RABGAP1L: variants seen among roughly 807,000 people sequenced by gnomAD.
RABGAP1L encodes the protein RAB GTPase activating protein 1 like.
Under a neutral mutation model 137.7 loss-of-function variants are expected in RABGAP1L, and 63 were observed. The observed-to-expected ratio is 0.46, with a 90% CI of 0.37 to 0.56. The LOEUF (loss-of-function observed/expected upper bound fraction) is 0.56, where lower values mean the gene tolerates loss of function less well. Among genes scored for constraint, RABGAP1L ranks in the 20% least tolerant of loss-of-function variants. The probability of loss-of-function intolerance (pLI) is 0.00; values close to 1 mark genes in which losing one functional copy is unlikely to be tolerated. For synonymous variants in RABGAP1L, 431 were observed against 433.7 expected, an observed-to-expected ratio of 0.99 and a Z score of 0.08; for missense variants, 1,095 against 1,244.0, an observed-to-expected ratio of 0.88 and a Z score of 1.80.
chr1:174,361,144 T>C (rs1684108574), intron 11 of RABGAP1L, among the ~76,000 whole-genome samples: 1 of 151,964 alleles, frequency 6.6e-6, no homozygotes, highest in South Asian at 2.1e-4. Context: ...CTGTGTCTTT[T>C]TTCATGCAAG....
At chr1:174,615,804 C>A (rs149546963) in intron 13 of RABGAP1L, among the ~76,000 whole-genome samples, 5 of 152,232 alleles carry the variant, frequency 3.3e-5, no homozygotes, top group African/African-American at 4.8e-5. Flanking sequence ...CCCCCAGCCT[C>A]GCTGCCGCCT....
At chr1:174,504,372 T>TAA (rs926595785) in intron 13 of RABGAP1L, among the ~76,000 whole-genome samples, 9 of 151,656 alleles carry the variant, frequency 5.9e-5, no homozygotes, top group African/African-American at 1.7e-4. Context: ...CTTATTTGTT[T>TAA]AAATCCTGTT....
intron 13 of RABGAP1L, among the ~76,000 whole-genome samples, chr1:174,595,626 A>G (rs951124691): frequency 6.7e-6 from 1 of 150,098 alleles, no homozygotes; most frequent in African/African-American, 2.5e-5. Context: ...GTGAGGTGTC[A>G]GTGTGCCCCT....
chr1:174,476,975 G>A (rs1459217001), intron 13 of RABGAP1L, among the ~76,000 whole-genome samples: 1 of 152,112 alleles, frequency 6.6e-6, no homozygotes, highest in Non-Finnish European at 1.5e-5. Flanking sequence ...TTTAATTTGG[G>A]TTATTTGTGA....
At chr1:174,426,478 G>A (rs1015039869) in intron 13 of RABGAP1L, among the ~76,000 whole-genome samples, 6 of 151,150 alleles carry the variant, frequency 4.0e-5, no homozygotes, top group South Asian at 2.1e-4. Flanking sequence ...CTTAATATAT[G>A]TCTTTGCCCT....
chr1:174,566,674 C>T (rs967017864), intron 13 of RABGAP1L, among the ~76,000 whole-genome samples: 6 of 152,076 alleles, frequency 3.9e-5, no homozygotes, highest in Admixed American at 1.3e-4. Flanking sequence ...TGAGTCTTTG[C>T]GAGGCCTTGA....
At chr1:174,821,813 T>C (rs963498352) in intron 19 of RABGAP1L, among the ~76,000 whole-genome samples, 1 of 152,234 alleles carries the variant, frequency 6.6e-6, no homozygotes, top group Non-Finnish European at 1.5e-5. Context: ...TGTACACCAT[T>C]GAAAAGATTC....
At position 174,764,002 on chromosome 1, in the gene RABGAP1L, G is replaced by C. The variant is rs115035596; in HGVS notation, c.2211+11648G>C. Among the ~76,000 whole-genome samples, 543 of 152,210 alleles carry C rather than the reference G, an allele frequency of 3.6e-3. 5 individuals are homozygous for C. Among genetic ancestry groups the C allele is most frequent in the African/African-American group, 0.011 (465 of 41,524 alleles). On this transcript the variant is annotated intron_variant, in intron 18 of 25. Coordinates refer to ENST00000681986, the MANE Select transcript of RABGAP1L (RefSeq NM_001366446.1). The stretch of plus-strand genomic sequence containing the variant: ...ATCACCACCTGACAACTTCTAATCT[G>C]TTTTCTATCTCTGTAGATTTACCTA...
At chr1:174,870,257 TATTTTTTCCCTGTAAAAAATTATTTC>T (rs1279137772) in intron 19 of RABGAP1L, among the ~76,000 whole-genome samples, 3 of 152,236 alleles carry the variant, frequency 2.0e-5, no homozygotes. Flanking sequence ...CATTCTAAAT[TATTTTTTCCCTGTAAAAAATTATTTC>T]ACTTTGCCTA....
chr1:174,608,169 G>A (rs1384886260), intron 13 of RABGAP1L, among the ~76,000 whole-genome samples: 1 of 152,126 alleles, frequency 6.6e-6, no homozygotes, highest in Non-Finnish European at 1.5e-5. Context: ...CTAAGTGTGA[G>A]GCATGACTCA....
intron 24 of RABGAP1L, among the ~76,000 whole-genome samples, chr1:174,985,938 CT>C (rs1036564049): frequency 6.6e-6 from 1 of 151,634 alleles, no homozygotes; most frequent in African/African-American, 2.4e-5. Flanking sequence ...TCCTTCCTTT[CT>C]TTTTTTCTTT....
chr1:174,499,256 TAAA>T (rs1661033798), intron 13 of RABGAP1L, among the ~76,000 whole-genome samples: 1 of 146,048 alleles, frequency 6.8e-6, no homozygotes, highest in Non-Finnish European at 1.5e-5. Context: ...ACACTTAAAT[TAAA>T]AAAATTTAAG....
chr1:174,848,903 G>A (rs1218203974), intron 19 of RABGAP1L, among the ~76,000 whole-genome samples: 15 of 150,360 alleles, frequency 1.0e-4, no homozygotes, highest in African/African-American at 1.7e-4. Context: ...AGGACCCTCC[G>A]AGCCAGGTGT....
At chr1:174,820,822 G>T (rs769600552) in intron 19 of RABGAP1L, among the ~76,000 whole-genome samples, 3 of 152,030 alleles carry the variant, frequency 2.0e-5, no homozygotes, top group Non-Finnish European at 4.4e-5. Context: ...TTCAAGATGA[G>T]CCTGGCCAAC....
chr1:174,919,423 T>C (rs1038025520), intron 19 of RABGAP1L, among the ~76,000 whole-genome samples: 1 of 152,244 alleles, frequency 6.6e-6, no homozygotes, highest in African/African-American at 2.4e-5. Context: ...CTTCTCCGTA[T>C]GTCTTGAGCT....
chr1:174,566,364 A>G (rs1375943455), intron 13 of RABGAP1L, among the ~76,000 whole-genome samples: 1 of 152,064 alleles, frequency 6.6e-6, no homozygotes, highest in African/African-American at 2.4e-5. Context: ...GTTGGATGCT[A>G]TAGGGAGGAA....
rs552147302 is a variant in RABGAP1L at position 174,312,419 on chromosome 1, C to A, written c.1465+7292C>A. Reference sequence around the variant, plus strand: ...TTTCTTGAGAAATGTCTATTCAAATCTTTTGCCCGTGTGTTAATCAGATTA... The same window carrying A: ...TTTCTTGAGAAATGTCTATTCAAATATTTTGCCCGTGTGTTAATCAGATTA... On this transcript the variant is annotated intron_variant, in intron 11 of 25. Coordinates refer to ENST00000681986, the MANE Select transcript of RABGAP1L (RefSeq NM_001366446.1). Among the ~76,000 whole-genome samples, 5 of 152,074 alleles carry A rather than the reference C, an allele frequency of 3.3e-5. No homozygotes were observed. In the East Asian group the frequency reaches 7.7e-4, roughly 24 times the overall value.
intron 12 of RABGAP1L, among the ~76,000 whole-genome samples, chr1:174,376,930 T>C (rs1419762616): frequency 6.6e-6 from 1 of 152,154 alleles, no homozygotes; most frequent in African/African-American, 2.4e-5. Flanking sequence ...TGCAGAGATG[T>C]GATTGTCTGT....
At chr1:174,379,463 T>A (rs1685910824) in intron 12 of RABGAP1L, among the ~76,000 whole-genome samples, 1 of 140,938 alleles carries the variant, frequency 7.1e-6, no homozygotes, top group South Asian at 2.3e-4. Context: ...TTTATTTCCT[T>A]GAGCAGTGGT....
Sources: gnomAD v4.1 joint callset for allele counts (sites outside exome capture counted in the v4.1 genomes callset) on GRCh38, gnomAD v4.1.1 for gene constraint, MANE v1.5 for transcripts, NCBI Gene and HGNC (gene_info 2026-07-23, HGNC 2026-07-21) for gene names.